WASHC3: variants seen among roughly 807,000 people sequenced by gnomAD.
The protein encoded by WASHC3 is WASH complex subunit CCDC53.
A neutral mutation model predicts 26.1 loss-of-function variants in WASHC3; 24 were observed. The ratio of observed to expected loss-of-function variants is 0.92; its 90% confidence interval spans 0.66 to 1.29. The LOEUF (loss-of-function observed/expected upper bound fraction) is 1.29, where lower values mean the gene tolerates loss of function less well. WASHC3 is among the 50% of genes most tolerant of loss of function. The pLI, the probability that WASHC3 is intolerant of heterozygous loss-of-function variation, is 0.00. For synonymous variants in WASHC3, 77 were observed against 75.7 expected (o/e 1.02, Z -0.09); for missense variants, 214 against 229.6 (o/e 0.93, Z 0.44).
chr12:102,038,456 G>C (rs971204001), intron 5 of WASHC3, among the ~76,000 whole-genome samples: 1 of 152,212 alleles, frequency 6.6e-6, no homozygotes, highest in East Asian at 1.9e-4. Flanking sequence ...TGGCAAGAAG[G>C]GGCTAACATA....
chr12:102,048,639 GTT>G (rs35546758), intron 2 of WASHC3, among the ~76,000 whole-genome samples: 3 of 147,146 alleles, frequency 2.0e-5, no homozygotes, highest in African/African-American at 5.1e-5. Context: ...AGAAATCATA[GTT>G]TTTTTTTTAA....
chr12:102,022,206 T>C (rs994161528), intron 6 of WASHC3, among the ~76,000 whole-genome samples: 3 of 152,152 alleles, frequency 2.0e-5, no homozygotes, highest in Non-Finnish European at 4.4e-5. Flanking sequence ...GAAAACAATA[T>C]AATTTAAAAA....
intron 2 of WASHC3, chr12:102,050,296 C>CA (rs1383012417): frequency 1.3e-5 from 6 of 453,208 alleles, no homozygotes; most frequent in Middle Eastern, 4.8e-4. Context: ...CCCTGTCTGA[C>CA]AAAAAAACAA....
rs143215327 is a variant in WASHC3, at chr12:102,022,255, G to T, written c.500+3719C>A. The stretch of plus-strand genomic sequence containing the variant: ...TATATGTTAAATATGTCTTTGTTGA[G>T]AACATAATAGTATATAGGCAACTAC... On this transcript the variant is annotated intron_variant, in intron 6 of 6. Coordinates refer to ENST00000240079, the MANE Select transcript of WASHC3 (RefSeq NM_016053.4). Among the ~76,000 whole-genome samples, 26 of 152,216 alleles carry T rather than the reference G, an allele frequency of 1.7e-4. No individual in the cohort carries two copies. The East Asian group carries it at 4.0e-3, about 24-fold the overall frequency.
At chr12:102,046,199 T>C (rs1878155456) in intron 2 of WASHC3, 80 bp from the exon 3 acceptor site, 1 of 756,622 alleles carries the variant, frequency 1.3e-6, no homozygotes, top group African/African-American at 1.8e-5. Context: ...TATGAAAATA[T>C]TAAAAACCAT....
chr12:102,060,693 C>T (rs1396806301), intron 2 of WASHC3, among the ~76,000 whole-genome samples: 1 of 152,180 alleles, frequency 6.6e-6, no homozygotes, highest in African/African-American at 2.4e-5. Context: ...CGGTGGCTCA[C>T]GCCTGTAATC....
At chr12:102,041,467 A>G (rs1565817414) in intron 4 of WASHC3, among the ~76,000 whole-genome samples, 1 of 152,092 alleles carries the variant, frequency 6.6e-6, no homozygotes, top group East Asian at 1.9e-4. Context: ...TTCTATTGTG[A>G]ATAATGATGA....
intron 2 of WASHC3, among the ~76,000 whole-genome samples, chr12:102,055,981 A>G (rs758806059): frequency 2.0e-5 from 3 of 152,246 alleles, no homozygotes; most frequent in Non-Finnish European, 4.4e-5. Flanking sequence ...ACCTACAAAG[A>G]CATGACCTAC....
chr12:102,057,706 A>C (rs1878646447), intron 2 of WASHC3, among the ~76,000 whole-genome samples: 1 of 152,198 alleles, frequency 6.6e-6, no homozygotes, highest in East Asian at 1.9e-4. Context: ...TTAACCAGTG[A>C]GGTGAAAGAT....
intron 4 of WASHC3, 25 bp from the exon 5 acceptor site, chr12:102,040,003 CT>C: frequency 8.9e-7 from 1 of 1,122,682 alleles, no homozygotes; most frequent in Non-Finnish European, 1.3e-6. Context: ...TGGTGTAAAT[CT>C]TTAGACAATT....
intron 2 of WASHC3, chr12:102,059,884 A>T (rs1292286636): frequency 2.0e-5 from 3 of 152,222 alleles, no homozygotes; most frequent in African/African-American, 7.2e-5. Flanking sequence ...AGTAGGAACG[A>T]AATAAAACTG....
rs1878230648 is a variant in WASHC3 at position 102,047,925 on chromosome 12, T to A, written c.151-1806A>T. ...GGAACTATTATGCCAATTTTAAAGATGAGAAAATTGAGTCTCATACAAGTA... is the reference window on the plus strand; with the variant it reads ...GGAACTATTATGCCAATTTTAAAGAAGAGAAAATTGAGTCTCATACAAGTA... On this transcript the variant is annotated intron_variant, in intron 2 of 6. Coordinates refer to ENST00000240079, the MANE Select transcript of WASHC3 (RefSeq NM_016053.4). Among the ~76,000 whole-genome samples the A allele has an allele frequency of 2.6e-5, 4 of 152,328 alleles. No homozygotes were observed. The South Asian group carries it at 8.3e-4, about 32-fold the overall frequency.
chr12:102,050,296 CAA>C (rs1383012417), intron 2 of WASHC3: 1 of 453,208 alleles, frequency 2.2e-6, no homozygotes, highest in African/African-American at 2.0e-5. Context: ...CCCTGTCTGA[CAA>C]AAAAACAACA....
chr12:102,025,042 A>G, intron 6 of WASHC3, among the ~76,000 whole-genome samples: 1 of 152,198 alleles, frequency 6.6e-6, no homozygotes, highest in East Asian at 1.9e-4. Flanking sequence ...AAGAATTCAT[A>G]AATTTCATAT....
chr12:102,028,813 A>G (rs1420513347), intron 5 of WASHC3, among the ~76,000 whole-genome samples: 1 of 148,912 alleles, frequency 6.7e-6, no homozygotes, highest in Non-Finnish European at 1.5e-5. Flanking sequence ...ATTATATCAC[A>G]ATAAGAATTA....
At chr12:102,042,576 T>C (rs557469541) in intron 4 of WASHC3, among the ~76,000 whole-genome samples, 6 of 152,268 alleles carry the variant, frequency 3.9e-5, no homozygotes, top group African/African-American at 1.4e-4. Flanking sequence ...TATACCTCAT[T>C]TGACCCATCT....
At chr12:102,055,121 A>G (rs1389439831) in intron 2 of WASHC3, among the ~76,000 whole-genome samples, 1 of 152,298 alleles carries the variant, frequency 6.6e-6, no homozygotes, top group East Asian at 1.9e-4. Context: ...TAAGAGCTGG[A>G]TTTTTGAAAA....
chr12:102,047,945 C>T (rs1355090762), intron 2 of WASHC3, among the ~76,000 whole-genome samples: 3 of 152,110 alleles, frequency 2.0e-5, no homozygotes, highest in Non-Finnish European at 4.4e-5. Flanking sequence ...GAGTCTCATA[C>T]AAGTAAAATA....
At chr12:102,023,119 AC>A (rs1877024152) in intron 6 of WASHC3, among the ~76,000 whole-genome samples, 4 of 152,184 alleles carry the variant, frequency 2.6e-5, no homozygotes, top group Admixed American at 2.6e-4. Context: ...GGCATTTTCT[AC>A]AGTTTTATAG....
Sources: allele counts gnomAD v4.1 joint callset (sites outside exome capture counted in the v4.1 genomes callset), GRCh38; gene constraint gnomAD v4.1.1; transcripts MANE v1.5; gene names NCBI Gene and HGNC (gene_info 2026-07-23, HGNC 2026-07-21).